BCAS4: variants seen among roughly 807,000 people sequenced by gnomAD.
BCAS4 encodes breast carcinoma amplified sequence 4.
In BCAS4, 9 loss-of-function variants were observed where a neutral mutation model predicts 15.7. The ratio of observed to expected loss-of-function variants is 0.57; its 90% CI spans 0.34 to 1.00. The LOEUF is 1.00. Ranked by LOEUF, BCAS4 falls within the 50% of genes least tolerant of loss-of-function variation. The probability of loss-of-function intolerance (pLI) is 0.02; values close to 1 mark genes in which losing one functional copy is unlikely to be tolerated. For synonymous variants in BCAS4, 101 were observed against 99.5 expected, an observed-to-expected ratio of 1.02 and a Z score of -0.09; for missense variants, 225 against 239.1, an observed-to-expected ratio of 0.94 and a Z score of 0.39.
chr20:50,861,709 T>C (rs1028649375), intron 4 of BCAS4, among the ~76,000 whole-genome samples: 2 of 152,014 alleles, frequency 1.3e-5, no homozygotes, highest in African/African-American at 4.8e-5. Context: ...CTCCAGCCCC[T>C]TTCCCCAGCC....
intron 4 of BCAS4, chr20:50,846,608 T>TCTC (rs200842481): frequency 8.0e-5 from 1 of 12,508 alleles, no homozygotes; most frequent in African/African-American, 1.6e-4. Flanking sequence ...TCTCTCTCTC[T>TCTC]TTTTTTTTTT....
chr20:50,808,125 G>A (rs552414100), intron 1 of BCAS4, among the ~76,000 whole-genome samples: 1 of 151,950 alleles, frequency 6.6e-6, no homozygotes, highest in East Asian at 1.9e-4. Context: ...TGTTAGCCAG[G>A]ATGGTCTCGA....
intron 1 of BCAS4, among the ~76,000 whole-genome samples, chr20:50,811,129 G>T (rs907884472): frequency 6.6e-6 from 1 of 152,150 alleles, no homozygotes; most frequent in Non-Finnish European, 1.5e-5. Context: ...TCAGGGGGAG[G>T]TGGAGGCTCC....
chr20:50,825,333 C>A (rs140944390), intron 2 of BCAS4, among the ~76,000 whole-genome samples: 2 of 152,136 alleles, frequency 1.3e-5, no homozygotes, highest in Non-Finnish European at 2.9e-5. Flanking sequence ...CCTCTCACCT[C>A]GGCCTCTCAA....
chr20:50,798,766 A>C (rs1002545058), intron 1 of BCAS4, among the ~76,000 whole-genome samples: 1 of 152,170 alleles, frequency 6.6e-6, no homozygotes, highest in Non-Finnish European at 1.5e-5. Context: ...TCCCATGATG[A>C]AATAGTAATT....
At chr20:50,840,646 A>G (rs563193115) in intron 3 of BCAS4, 119 of 1,611,142 alleles carry the variant, frequency 7.4e-5, no homozygotes, top group South Asian at 2.0e-4. Flanking sequence ...CTCCTGTTCA[A>G]TCGTTTCTTT....
At chr20:50,875,890 T>A in intron 4 of BCAS4, 1 of 453,950 alleles carries the variant, frequency 2.2e-6, no homozygotes, top group South Asian at 1.6e-5. Context: ...TTGTCACATG[T>A]CTACCCTTCT....
chr20:50,850,223 C>A (rs922213110), intron 4 of BCAS4, among the ~76,000 whole-genome samples: 2 of 152,224 alleles, frequency 1.3e-5, no homozygotes, highest in African/African-American at 2.4e-5. Flanking sequence ...CTTTCTGTGC[C>A]TCATCTCAAT....
At chr20:50,811,999 C>G (rs2088070200) in intron 1 of BCAS4, among the ~76,000 whole-genome samples, 1 of 152,208 alleles carries the variant, frequency 6.6e-6, no homozygotes, top group African/African-American at 2.4e-5. Context: ...ATCATGTTTT[C>G]AAGGATCATC....
chr20:50,862,700 C>T (rs1192896491), intron 4 of BCAS4, among the ~76,000 whole-genome samples: 5 of 151,952 alleles, frequency 3.3e-5, no homozygotes, highest in African/African-American at 9.7e-5. Flanking sequence ...CCTTCAGCTG[C>T]ACTTGGGCTG....
At chr20:50,842,084 T>G (rs2088490967) in intron 4 of BCAS4, among the ~76,000 whole-genome samples, 184 bp downstream of exon 4, 1 of 152,202 alleles carries the variant, frequency 6.6e-6, no homozygotes, top group Admixed American at 6.5e-5. Context: ...CCCTGGGCTG[T>G]GACGGTTCGT....
chr20:50,804,715 G>T (rs1221646271), intron 1 of BCAS4, among the ~76,000 whole-genome samples: 1 of 152,172 alleles, frequency 6.6e-6, no homozygotes, highest in African/African-American at 2.4e-5. Context: ...GGAAGTCAGG[G>T]TCTGCATGAT....
intron 4 of BCAS4, among the ~76,000 whole-genome samples, chr20:50,870,995 G>A (rs149362257): frequency 2.0e-3 from 310 of 152,238 alleles, no homozygotes; most frequent in Non-Finnish European, 4.0e-3. Flanking sequence ...CCGGGAGGAG[G>A]GGGTGGGGAG....
At chr20:50,813,788 C>A (rs536849935) in intron 1 of BCAS4, among the ~76,000 whole-genome samples, 1 of 133,660 alleles carries the variant, frequency 7.5e-6, no homozygotes, top group Admixed American at 8.4e-5. Flanking sequence ...TTGTGAGAAG[C>A]GGGGATGTGG....
chr20:50,843,769 A>C (rs73127473), intron 4 of BCAS4, among the ~76,000 whole-genome samples: 46 of 152,342 alleles, frequency 3.0e-4, no homozygotes, highest in Non-Finnish European at 5.9e-5. Context: ...AAAGACAATG[A>C]AGTCATGAAC....
chr20:50,831,690 A>C (rs558702511), intron 3 of BCAS4, among the ~76,000 whole-genome samples: 2 of 152,134 alleles, frequency 1.3e-5, no homozygotes, highest in African/African-American at 4.8e-5. Flanking sequence ...ACAGGACTCC[A>C]GCTCATATGT....
intron 4 of BCAS4, among the ~76,000 whole-genome samples, chr20:50,848,375 C>CG (rs2088573112): frequency 6.6e-6 from 1 of 152,162 alleles, no homozygotes; most frequent in Non-Finnish European, 1.5e-5. Context: ...GGTGTGGAGT[C>CG]AGAAGAAAGA....
At chr20:50,796,794 A>C (rs1454840675) in intron 1 of BCAS4, among the ~76,000 whole-genome samples, 2 of 150,226 alleles carry the variant, frequency 1.3e-5, no homozygotes, top group East Asian at 3.9e-4. Flanking sequence ...GCGCCCAGCC[A>C]TCTCCACATA....
intron 1 of BCAS4, among the ~76,000 whole-genome samples, chr20:50,812,115 T>G (rs2088071914): frequency 6.6e-6 from 1 of 152,142 alleles, no homozygotes; most frequent in Non-Finnish European, 1.5e-5. Context: ...TAATGGATAT[T>G]GGGTCGTGTC....
Sources: allele counts gnomAD v4.1 joint callset (sites outside exome capture counted in the v4.1 genomes callset), GRCh38; gene constraint gnomAD v4.1.1; transcripts MANE v1.5; gene names NCBI Gene and HGNC (gene_info 2026-07-23, HGNC 2026-07-21).